Variants in IMMP2L observed in about 807,000 individuals in gnomAD.
IMMP2L encodes inner mitochondrial membrane peptidase subunit 2.
IMMP2L carries 18 observed loss-of-function variants against 19.3 expected under a neutral mutation model. That is an observed-to-expected ratio of 0.93 (90% CI 0.64 to 1.38). The LOEUF is 1.38. IMMP2L is among the 40% of genes most tolerant of loss of function. The pLI is 0.00. For synonymous variants in IMMP2L, 76 were observed against 73.0 expected, an observed-to-expected ratio of 1.04 and a Z score of -0.21; for missense variants, 233 against 218.2, an observed-to-expected ratio of 1.07 and a Z score of -0.43.
chr7:111,330,500 G>A (rs1029147392), intron 3 of IMMP2L, among the ~76,000 whole-genome samples: 4 of 151,298 alleles, frequency 2.6e-5, no homozygotes, highest in Non-Finnish European at 5.9e-5. Context: ...CACTAGCCAC[G>A]GGGTGGGGGG....
At chr7:111,515,077 CACTT>C (rs1245181305) in intron 2 of IMMP2L, among the ~76,000 whole-genome samples, 1 of 152,090 alleles carries the variant, frequency 6.6e-6, no homozygotes, top group Non-Finnish European at 1.5e-5. Flanking sequence ...TTCTGACTCT[CACTT>C]ACAGAGCTCA....
intron 3 of IMMP2L, among the ~76,000 whole-genome samples, chr7:111,129,142 G>C (rs1315365027): frequency 6.6e-6 from 1 of 151,926 alleles, no homozygotes; most frequent in Non-Finnish European, 1.5e-5. Context: ...AAGTTTAAAA[G>C]TATGCATGTA....
At chr7:110,696,425 C>CTTTTTTT (rs374621101) in intron 5 of IMMP2L, among the ~76,000 whole-genome samples, 8 of 119,850 alleles carry the variant, frequency 6.7e-5, no homozygotes, top group African/African-American at 1.5e-4. Flanking sequence ...TCCTTTTTCT[C>CTTTTTTT]TTTTTTTTTT....
At chr7:110,766,506 C>T (rs561275546) in intron 5 of IMMP2L, among the ~76,000 whole-genome samples, 1 of 147,484 alleles carries the variant, frequency 6.8e-6, no homozygotes, top group African/African-American at 2.5e-5. Flanking sequence ...GCAGGAGAAT[C>T]GCTTGAACCC....
chr7:110,858,377 G>A (rs1005574462), intron 5 of IMMP2L, among the ~76,000 whole-genome samples: 5 of 151,978 alleles, frequency 3.3e-5, no homozygotes, highest in African/African-American at 9.7e-5. Context: ...CCAGACTAAA[G>A]TTTTTGCAAC....
intron 5 of IMMP2L, among the ~76,000 whole-genome samples, chr7:110,696,079 CTGAG>C (rs1324037617): frequency 2.6e-5 from 4 of 152,162 alleles, no homozygotes; most frequent in African/African-American, 9.7e-5. Context: ...CCATCTCTTA[CTGAG>C]TGATTGCAGA....
chr7:110,921,642 T>G (rs981335686), intron 4 of IMMP2L, among the ~76,000 whole-genome samples: 5 of 152,208 alleles, frequency 3.3e-5, no homozygotes, highest in Admixed American at 6.5e-5. Flanking sequence ...TTGTTTCTTC[T>G]GTTCTCCTAT....
chr7:111,065,899 A>G (rs1160066527), intron 3 of IMMP2L, among the ~76,000 whole-genome samples: 2 of 36,958 alleles, frequency 5.4e-5, no homozygotes, highest in African/African-American at 1.2e-4. Flanking sequence ...ACCCTAATAC[A>G]ATGTGTGTGT....
At chr7:110,945,665 G>C (rs1223794661) in intron 4 of IMMP2L, among the ~76,000 whole-genome samples, 1 of 151,952 alleles carries the variant, frequency 6.6e-6, no homozygotes, top group African/African-American at 2.4e-5. Context: ...AAATCATTTA[G>C]TCCAAAGGTC....
At chr7:111,543,733 C>T (rs948321274) in intron 1 of IMMP2L, among the ~76,000 whole-genome samples, 3 of 152,160 alleles carry the variant, frequency 2.0e-5, no homozygotes, top group Non-Finnish European at 4.4e-5. Flanking sequence ...GAGAGAATCA[C>T]ACTTCAGATA....
chr7:111,277,113 T>C (rs1469743637), intron 3 of IMMP2L, among the ~76,000 whole-genome samples: 1 of 151,710 alleles, frequency 6.6e-6, no homozygotes, highest in Admixed American at 6.6e-5. Flanking sequence ...AATAGACAAA[T>C]AGGATTTAAT....
At chr7:110,948,701 ATTAATT>A (rs1817500231) in intron 4 of IMMP2L, among the ~76,000 whole-genome samples, 1 of 152,186 alleles carries the variant, frequency 6.6e-6, no homozygotes, top group South Asian at 2.1e-4. Flanking sequence ...CCCTTGTGAT[ATTAATT>A]TTAGGTGCCA....
chr7:110,876,198 G>C (rs926434356), intron 5 of IMMP2L, among the ~76,000 whole-genome samples: 3 of 152,046 alleles, frequency 2.0e-5, no homozygotes, highest in Non-Finnish European at 2.9e-5. Context: ...TCTATCAGAT[G>C]GTTTACCAAA....
At chr7:111,030,884 G>GTATATATATATA (rs57774530) in intron 3 of IMMP2L, among the ~76,000 whole-genome samples, 2 of 127,140 alleles carry the variant, frequency 1.6e-5, no homozygotes, top group Non-Finnish European at 3.2e-5. Context: ...GTGTGTGTGT[G>GTATATATATATA]TATATATATA....
chr7:111,175,748 G>A (rs759699485), intron 3 of IMMP2L, among the ~76,000 whole-genome samples: 1 of 151,694 alleles, frequency 6.6e-6, no homozygotes, highest in African/African-American at 2.4e-5. Flanking sequence ...CCCTACAATG[G>A]CAGAAAACCC....
chr7:110,689,558 C>T (rs1045392661), intron 5 of IMMP2L, among the ~76,000 whole-genome samples: 10 of 152,080 alleles, frequency 6.6e-5, no homozygotes, highest in Non-Finnish European at 1.3e-4. Flanking sequence ...TTCAAATTTA[C>T]TTTATTTTCA....
intron 3 of IMMP2L, among the ~76,000 whole-genome samples, chr7:111,146,064 A>G (rs1048872651): frequency 2.0e-5 from 3 of 152,142 alleles, no homozygotes; most frequent in African/African-American, 7.2e-5. Flanking sequence ...ATTCAGAGGA[A>G]TATAAAAATA....
At chr7:111,277,306 A>G (rs964720460) in intron 3 of IMMP2L, among the ~76,000 whole-genome samples, 2 of 152,138 alleles carry the variant, frequency 1.3e-5, no homozygotes, top group Non-Finnish European at 2.9e-5. Context: ...CATTTTCCAA[A>G]AGACGTACAA....
At chr7:111,331,898 A>T (rs750563034) in intron 3 of IMMP2L, among the ~76,000 whole-genome samples, 6 of 151,878 alleles carry the variant, frequency 4.0e-5, no homozygotes, top group Non-Finnish European at 7.4e-5. Flanking sequence ...CTAGAAGATG[A>T]CCTTAACCCA....
Sources: gnomAD v4.1 joint callset for allele counts (sites outside exome capture counted in the v4.1 genomes callset) on GRCh38, gnomAD v4.1.1 for gene constraint, MANE v1.5 for transcripts, NCBI Gene and HGNC (gene_info 2026-07-23, HGNC 2026-07-21) for gene names.